PRDM11: variants seen among roughly 807,000 people sequenced by gnomAD.
PRDM11 encodes PR/SET domain 11, also known as PR domain-containing protein 11.
A neutral mutation model predicts 97.8 loss-of-function variants in PRDM11; 20 were observed. That is an observed-to-expected ratio of 0.20 (90% CI 0.14 to 0.30). The LOEUF is 0.30. Among genes scored for constraint, PRDM11 ranks in the 10% least tolerant of loss-of-function variants. PRDM11 has a pLI of 1.00. For missense variants in PRDM11, 1,139 were observed against 1,555.2 expected, an observed-to-expected ratio of 0.73 and a Z score of 4.50; for synonymous variants, 599 against 637.7, an observed-to-expected ratio of 0.94 and a Z score of 0.91.
intron 7 of PRDM11, 137 bp from the exon 8 acceptor site, chr11:45,225,858 T>C (rs1854262051): frequency 8.8e-7 from 1 of 1,133,770 alleles, no homozygotes; most frequent in African/African-American, 1.6e-5. Flanking sequence ...TGGGCTGGGA[T>C]TCAATCCATC....
upstream of PRDM11, among the ~76,000 whole-genome samples, chr11:45,145,222 G>A (rs1851480357): frequency 6.6e-6 from 1 of 152,222 alleles, no homozygotes; most frequent in Non-Finnish European, 1.5e-5. Flanking sequence ...TAAAGGCTCA[G>A]AGAGGTGAAG....
At chr11:45,216,346 G>A (rs1256846791) in intron 5 of PRDM11, 1 of 152,290 alleles carries the variant, frequency 6.6e-6, no homozygotes, top group Non-Finnish European at 1.5e-5. Context: ...AGCCACAGTG[G>A]ATAGATTTTG....
intron 5 of PRDM11, among the ~76,000 whole-genome samples, chr11:45,210,103 C>CCCGGG (rs1292966755): frequency 2.0e-5 from 3 of 152,170 alleles, no homozygotes; most frequent in Non-Finnish European, 2.9e-5. Context: ...GCTGTGAAGG[C>CCCGGG]CCGGGCCGGG....
upstream of PRDM11, chr11:45,146,525 G>A (rs1310787584): frequency 6.6e-6 from 1 of 151,878 alleles, no homozygotes; most frequent in Non-Finnish European, 1.5e-5. Flanking sequence ...GGCCTAAGGG[G>A]CCCCGGGAGT....
chr11:45,218,249 T>C (rs543084772), intron 5 of PRDM11, among the ~76,000 whole-genome samples: 4 of 152,350 alleles, frequency 2.6e-5, no homozygotes, highest in African/African-American at 9.6e-5. Flanking sequence ...ATAACTTATG[T>C]TTCTTGAGCC....
chr11:45,154,648 G>A (rs1336196386), intron 1 of PRDM11, among the ~76,000 whole-genome samples: 2 of 152,082 alleles, frequency 1.3e-5, no homozygotes, highest in Non-Finnish European at 2.9e-5. Flanking sequence ...GTGCCTTCTA[G>A]AGCTTTCCCT....
At position 45,224,709 on chromosome 11, in the gene PRDM11, C is replaced by T; in HGVS notation, c.1235C>T (p.Pro412Leu). 6.2e-7 allele frequency: 1 copy of T among 1,614,168 alleles called. No individual in the cohort carries two copies. Among genetic ancestry groups the T allele is most frequent in the Non-Finnish European group, 8.5e-7 (1 of 1,180,038 alleles). ...GAACTTCCCACCACCTCTTTTTGCC[C>T]TAACTGTATTCGCCTAAAGAAGAAG... The part of the protein sequence containing the change: ...PHELPTTSFC[P>L]NCIRLKKKVR... The change falls in exon 7 of 8, where the codon CCT becomes CTT. Residue 412 changes from proline (P) to leucine (L), a missense_variant. This residue lies in a region of PRDM11 where 710 missense variants were observed against 1,044.9 expected (regional missense o/e 0.68). Coordinates refer to ENST00000683152, the MANE Select transcript of PRDM11 (RefSeq NM_001384648.1).
chr11:45,172,931 G>A (rs147070046), intron 1 of PRDM11, among the ~76,000 whole-genome samples: 36 of 152,324 alleles, frequency 2.4e-4, no homozygotes, highest in Admixed American at 1.0e-3. Context: ...TCATGCTGAA[G>A]ATGCTTCCTG....
At chr11:45,217,481 G>A (rs111319925) in intron 5 of PRDM11, among the ~76,000 whole-genome samples, 380 of 152,104 alleles carry the variant, frequency 2.5e-3, no homozygotes, top group Non-Finnish European at 4.5e-3. Context: ...GCGGATCTAA[G>A]CACCGTAAAT....
chr11:45,138,892 C>A (rs1852934136), intron 1 of PRDM11, among the ~76,000 whole-genome samples: 1 of 152,088 alleles, frequency 6.6e-6, no homozygotes, highest in African/African-American at 2.4e-5. Context: ...AATAAAGTTA[C>A]AAAAATTGTT....
At position 45,228,278 on chromosome 11, in the gene PRDM11, T is replaced by C. The variant is rs1456074446; in HGVS notation, c.*119T>C. The C allele has an allele frequency of 1.5e-5, 5 of 327,424 alleles. No individual in the cohort carries two copies. Among genetic ancestry groups the C allele is most frequent in the Non-Finnish European group, 1.8e-5 (4 of 219,386 alleles). The allele number at this position is 327,424 out of a possible 1,614,324, so 20.3% of individuals were successfully genotyped here. ...TATTATATTATATTATATATATATA[T>C]ATATATAAACTCACACTGAAAATTT... On this transcript the variant is annotated 3_prime_UTR_variant, in exon 8 of 8. Coordinates refer to ENST00000683152, the MANE Select transcript of PRDM11 (RefSeq NM_001384648.1).
intron 1 of PRDM11, among the ~76,000 whole-genome samples, chr11:45,175,458 TG>T (rs1385771358): frequency 6.6e-6 from 1 of 152,236 alleles, no homozygotes; most frequent in African/African-American, 2.4e-5. Flanking sequence ...ATGTTGAACG[TG>T]TGTTTTCATG....
intron 1 of PRDM11, among the ~76,000 whole-genome samples, chr11:45,100,735 G>A (rs571757093): frequency 2.6e-5 from 4 of 152,342 alleles, no homozygotes; most frequent in Non-Finnish European, 5.9e-5. Flanking sequence ...CACTGGGACT[G>A]AGCTCATAAG....
At chr11:45,135,365 G>C (rs1852819481) in intron 1 of PRDM11, among the ~76,000 whole-genome samples, 1 of 152,164 alleles carries the variant, frequency 6.6e-6, no homozygotes, top group Admixed American at 6.5e-5. Context: ...AAGGCACAAA[G>C]TAATTATTTG....
intron 1 of PRDM11, among the ~76,000 whole-genome samples, chr11:45,102,807 A>G (rs1852000453): frequency 6.6e-6 from 1 of 152,246 alleles, no homozygotes; most frequent in Non-Finnish European, 1.5e-5. Flanking sequence ...GGGGCAGCCA[A>G]GGTAATCAGT....
Position 45,226,592 on chromosome 11 carries a change from C to T in PRDM11, c.1967C>T (p.Pro656Leu). 6.5e-7 allele frequency: 1 copy of T among 1,533,976 alleles called. No individual in the cohort carries two copies. The highest frequency in any genetic ancestry group is 8.7e-7 in the Non-Finnish European group (1 of 1,146,732). The change falls in exon 8 of 8, where the codon CCT (proline) becomes CTT (leucine). Residue 656 changes from proline (P) to leucine (L), a missense_variant. Physicochemically the swap from Pro to Leu is moderately conservative, Grantham distance 98. Transcript: ENST00000683152. ...EDLVERIRQS[P>L]CLSVILDGQS... ...CTGGTGGAGCGCATCCGCCAGTCAC[C>T]TTGCCTCAGCGTCATCCTGGATGGG...
chr11:45,168,978 C>T (rs1205138180), intron 1 of PRDM11, among the ~76,000 whole-genome samples: 1 of 152,160 alleles, frequency 6.6e-6, no homozygotes, highest in Non-Finnish European at 1.5e-5. Flanking sequence ...AGTTGTGGAG[C>T]CAGGTTGGCC....
At chr11:45,121,258 A>C (rs1852424669) in intron 1 of PRDM11, among the ~76,000 whole-genome samples, 1 of 152,198 alleles carries the variant, frequency 6.6e-6, no homozygotes, top group Admixed American at 6.5e-5. Context: ...TGCAAATATT[A>C]GTTGTTTATA....
At chr11:45,128,725 A>AT (rs1418999688) in intron 1 of PRDM11, among the ~76,000 whole-genome samples, 1 of 152,226 alleles carries the variant, frequency 6.6e-6, no homozygotes, top group Non-Finnish European at 1.5e-5. Flanking sequence ...TTCCACAAAT[A>AT]TTTAAGGCAG....
Sources: allele counts gnomAD v4.1 joint callset (sites outside exome capture counted in the v4.1 genomes callset), GRCh38; gene constraint gnomAD v4.1.1; regional missense constraint gnomAD v4.1.1; transcripts MANE v1.5; gene names NCBI Gene and HGNC (gene_info 2026-07-23, HGNC 2026-07-21).